VNN2: variants seen among roughly 807,000 people sequenced by gnomAD.
VNN2 encodes the protein pantetheine hydrolase VNN2.
A neutral mutation model predicts 43.0 loss-of-function variants in VNN2; 43 were observed. That is an observed-to-expected ratio of 1.00 (90% CI 0.78 to 1.29). The LOEUF (loss-of-function observed/expected upper bound fraction) is 1.29. Ranked by LOEUF, VNN2 falls within the 50% of genes most tolerant of loss-of-function variation. VNN2 has a pLI of 0.00. For missense variants in VNN2, 652 were observed against 619.7 expected (o/e 1.05, Z -0.55); for synonymous variants, 230 against 224.3 (o/e 1.03, Z -0.23).
upstream of VNN2, chr6:132,760,826 T>C (rs933217340): frequency 6.6e-6 from 1 of 152,188 alleles, no homozygotes; most frequent in Admixed American, 6.6e-5. Context: ...GAAATGATGT[T>C]GATCAGAGTT....
chr6:132,744,582 T>C (rs1779612049), intron 6 of VNN2, 91 bp from the exon 7 acceptor site: 1 of 1,258,824 alleles, frequency 7.9e-7, no homozygotes, highest in East Asian at 2.7e-5. Flanking sequence ...AGATATAATG[T>C]ATAGTCAAAT....
rs1229317653 is a variant in VNN2 at position 132,757,472 on chromosome 6, A to G, written c.288T>C (p.Tyr96=). The change falls in exon 2 of 7, where the codon TAT becomes TAC. Residue 96 remains tyrosine (Y), a synonymous_variant. Transcript: ENST00000326499. ...CCTGAGGGTCTGGGATATCCTCCAG[A>G]TAAGGGAAAACAGTTTCCCTGGTAA... ...WKFTRETVFP[Y]LEDIPDPQVN... is the part of the protein sequence containing the mutation. 1.2e-6 allele frequency: 2 copies of G among 1,614,040 alleles called. No homozygotes were observed. The highest frequency in any genetic ancestry group is 1.7e-6 in the Non-Finnish European group (2 of 1,179,926).
rs2114581174 is a variant in VNN2 at position 132,753,004 on chromosome 6, C to T, written c.538-255G>A. The T allele has an allele frequency of 1.0e-5, 4 of 382,358 alleles. No individual in the cohort carries two copies. The South Asian group carries it at 1.6e-4, about 15-fold the overall frequency. The allele number at this position is 382,358 out of a possible 1,614,324, so 23.7% of individuals were successfully genotyped here. A position where few individuals can be genotyped will look rare whatever the true frequency, so the allele number is the denominator to read the frequency against. Reference sequence around the variant, plus strand: ...CTCTCTCTCAGTTAAGAGCCAAATACCCCCCCATAAACCCCAAAGTCCGTA... The same window carrying T: ...CTCTCTCTCAGTTAAGAGCCAAATATCCCCCCATAAACCCCAAAGTCCGTA... On this transcript the variant is annotated intron_variant, in intron 3 of 6. Coordinates refer to ENST00000326499, the MANE Select transcript of VNN2 (RefSeq NM_004665.6).
chr6:132,752,521 T>C lies in VNN2; in HGVS notation c.766A>G (p.Met256Val), dbSNP rs760306479. 1.2e-6 allele frequency: 2 copies of C among 1,614,126 alleles called. No homozygotes were observed. The highest frequency in any genetic ancestry group is 1.7e-6 in the Non-Finnish European group (2 of 1,180,016). ...TAIEFHSAWAMGMGVNLLVAN... is the reference protein window; with the variant it reads ...TAIEFHSAWAVGMGVNLLVAN... ...ACAAGAAGATTAACTCCCATTCCCATTGCCCAAGCTGAATGGAATTCAATA... is the reference window on the plus strand; with the variant it reads ...ACAAGAAGATTAACTCCCATTCCCACTGCCCAAGCTGAATGGAATTCAATA... Residue 256 changes from methionine to valine, a missense_variant, in exon 4 of 7, where the codon ATG (methionine) becomes GTG (valine). Met to Val is a conservative substitution (Grantham distance 21). Coordinates refer to ENST00000326499, the MANE Select transcript of VNN2 (RefSeq NM_004665.6).
chr6:132,752,933 G>A (rs1019969265), intron 3 of VNN2, 184 bp from the exon 4 acceptor site: 53 of 600,882 alleles, frequency 8.8e-5, no homozygotes, highest in African/African-American at 8.6e-4. Context: ...TGTAACATAC[G>A]TCCATAGCAT....
upstream of VNN2, chr6:132,758,043 T>TCTTCTTCTTCTTCTTCTTCCTC: frequency 2.8e-6 from 1 of 357,334 alleles, no homozygotes; most frequent in African/African-American, 2.9e-5. Flanking sequence ...CTTCTTCTTT[T>TCTTCTTCTTCTTCTTCTTCCTC]TTTTTTTTTT....
chr6:132,759,438 C>CAAAAAA (rs58195059), upstream of VNN2, among the ~76,000 whole-genome samples: 1,888 of 69,086 alleles, frequency 0.027, 78 homozygotes, highest in African/African-American at 0.047. Flanking sequence ...AACTCCGTCT[C>CAAAAAA]AAAAAAAAAA....
intron 3 of VNN2, among the ~76,000 whole-genome samples, chr6:132,755,337 T>C (rs1002358513): frequency 1.3e-5 from 2 of 151,236 alleles, no homozygotes; most frequent in East Asian, 1.9e-4. Context: ...TTTTTCTGAG[T>C]AGTTTTTTAC....
intron 6 of VNN2, among the ~76,000 whole-genome samples, chr6:132,748,326 G>A (rs9483497): frequency 0.23 from 35,036 of 152,030 alleles, 5,516 homozygotes; most frequent in African/African-American, 0.44. Flanking sequence ...ATGAGATTCT[G>A]CCTAAACAGG....
At position 132,755,842 on chromosome 6, in the gene VNN2, C is replaced by T; in HGVS notation, c.537+1G>A. The stretch of plus-strand genomic sequence containing the variant: ...TTTACACGTCCGTCACTCTCTCTTA[C>T]CTTATGGTAACGTGCCACGAGTTTT... On this transcript the variant is annotated splice_donor_variant, in intron 3 of 6. Transcript: ENST00000326499. LOFTEE classifies it high-confidence loss of function. The T allele has an allele frequency of 6.2e-7, 1 of 1,609,938 alleles. No individual in the cohort carries two copies. The highest frequency in any genetic ancestry group is 8.5e-7 in the Non-Finnish European group (1 of 1,177,506).
At chr6:132,762,629 C>T (rs552932330), upstream of VNN2, among the ~76,000 whole-genome samples, 103 of 152,282 alleles carry the variant, frequency 6.8e-4, no homozygotes, top group African/African-American at 2.4e-3. Flanking sequence ...GGCCAGGTCT[C>T]ATTCAGATGA....
At position 132,752,622 on chromosome 6, in the gene VNN2, G is replaced by T. The variant is rs773751708; in HGVS notation, c.665C>A (p.Thr222Asn). ...FDIFFYDPGV[T>N]LVKDFHVDTI... The stretch of plus-strand genomic sequence containing the variant: ...GTCCACATGGAAATCTTTCACCAGG[G>T]TAACACCAGGATCATAGAAGAATAT... Residue 222 changes from threonine to asparagine, a missense_variant, in exon 4 of 7, where the codon ACC becomes AAC. Thr to Asn is a moderately conservative substitution (Grantham distance 65). Coordinates refer to ENST00000326499, the MANE Select transcript of VNN2 (RefSeq NM_004665.6). 4 of 1,614,082 alleles carry T rather than the reference G, an allele frequency of 2.5e-6. No homozygotes were observed. The South Asian group carries it at 3.3e-5, about 13-fold the overall frequency.
rs551513921 is a variant in VNN2, at chr6:132,745,120, C to T, written c.1372-629G>A. On this transcript the variant is annotated intron_variant, in intron 6 of 6. Coordinates refer to ENST00000326499, the MANE Select transcript of VNN2 (RefSeq NM_004665.6). ...AGTTCTCATTCTAGATTGGTTAAAA[C>T]CAGTGGTGTGCTGGAGCTAGTGGTG... 2.6e-5 allele frequency among the ~76,000 whole-genome samples: 4 copies of T among 152,224 alleles called. No individual in the cohort carries two copies. The South Asian group carries it at 8.3e-4, about 32-fold the overall frequency.
At chr6:132,758,419 A>G (rs916344847), upstream of VNN2, among the ~76,000 whole-genome samples, 1 of 152,194 alleles carries the variant, frequency 6.6e-6, no homozygotes, top group Non-Finnish European at 1.5e-5. Context: ...TAAGACAATC[A>G]GAAAGTATTA....
chr6:132,758,756 A>G (rs1184188556), upstream of VNN2, among the ~76,000 whole-genome samples: 14 of 152,178 alleles, frequency 9.2e-5, no homozygotes, highest in Admixed American at 8.5e-4. Flanking sequence ...ACTTATTGCT[A>G]TTAAGGACTG....
chr6:132,758,049 T>A (rs980799184), upstream of VNN2: 857 of 492,702 alleles, frequency 1.7e-3, 16 homozygotes, highest in South Asian at 2.1e-3. Flanking sequence ...CTTTTTTTTT[T>A]TTTTTTTTTT....
chr6:132,752,394 A>C (rs778290709), intron 4 of VNN2, 67 bp downstream of exon 4: 1 of 1,511,486 alleles, frequency 6.6e-7, no homozygotes, highest in Non-Finnish European at 8.9e-7. Context: ...AATACAAGTC[A>C]TAACTGAGGC....
At chr6:132,748,333 C>G (rs1411558582) in intron 6 of VNN2, among the ~76,000 whole-genome samples, 2 of 152,204 alleles carry the variant, frequency 1.3e-5, no homozygotes. Context: ...TCTGCCTAAA[C>G]AGGTTCTATG....
In VNN2 at chr6:132,752,524, C is replaced by G. The variant is rs372326341; in HGVS notation, c.763G>C (p.Ala255Pro). The G allele has an allele frequency of 2.5e-6, 4 of 1,613,984 alleles. No individual in the cohort carries two copies. In the African/African-American group the frequency reaches 5.3e-5, roughly 22 times the overall value. ...LTAIEFHSAW[A>P]MGMGVNLLVA... The stretch of plus-strand genomic sequence containing the variant: ...AGAAGATTAACTCCCATTCCCATTG[C>G]CCAAGCTGAATGGAATTCAATAGCT... The change falls in exon 4 of 7, where the codon GCA becomes CCA. Residue 255 changes from alanine (A) to proline (P), a missense_variant. By Grantham distance (27) the Ala-to-Pro change is conservative (BLOSUM62 -1). Transcript: ENST00000326499.
Sources: gnomAD v4.1 joint callset for allele counts (sites outside exome capture counted in the v4.1 genomes callset) on GRCh38, gnomAD v4.1.1 for gene constraint, MANE v1.5 for transcripts, NCBI Gene and HGNC (gene_info 2026-07-23, HGNC 2026-07-21) for gene names.